Variants in GALNT13 observed in about 807,000 individuals in gnomAD.
The protein encoded by GALNT13 is UDP-GalNAc:polypeptide N-acetylgalactosaminyltransferase 13.
Under a neutral mutation model 64.2 loss-of-function variants are expected in GALNT13, and 28 were observed. That is an observed-to-expected ratio of 0.44 (90% CI 0.32 to 0.60). The LOEUF (loss-of-function observed/expected upper bound fraction) is 0.60. Ranked by LOEUF, GALNT13 falls within the 20% of genes least tolerant of loss-of-function variation. The pLI is 0.05. For missense variants in GALNT13, 577 were observed against 669.8 expected, an observed-to-expected ratio of 0.86 and a Z score of 1.53; for synonymous variants, 214 against 224.6, an observed-to-expected ratio of 0.95 and a Z score of 0.42.
intron 3 of GALNT13, among the ~76,000 whole-genome samples, chr2:154,082,505 A>G (rs978841596): frequency 6.6e-6 from 1 of 151,688 alleles, no homozygotes; most frequent in Non-Finnish European, 1.5e-5. Flanking sequence ...GTGCAACTCT[A>G]TTGTGATGAA....
At chr2:153,721,911 C>T in the GALNT13 span, among the ~76,000 whole-genome samples, 6 of 150,276 alleles carry the variant, frequency 4.0e-5, 1 homozygote, top group Admixed American at 6.6e-5. Context: ...GACAGAAAGT[C>T]AACAAGGATA....
chr2:153,171,068 A>T, the GALNT13 span, among the ~76,000 whole-genome samples: 1 of 152,230 alleles, frequency 6.6e-6, no homozygotes, highest in Non-Finnish European at 1.5e-5. Context: ...CTCTGATTCA[A>T]TTCGGTTACC....
chr2:154,414,886 A>T (rs1699942210), intron 11 of GALNT13, among the ~76,000 whole-genome samples: 1 of 151,962 alleles, frequency 6.6e-6, no homozygotes, highest in Non-Finnish European at 1.5e-5. Flanking sequence ...TCATTTTTAA[A>T]GTGCTTTGAA....
At chr2:154,190,138 G>A (rs181183606) in intron 4 of GALNT13, among the ~76,000 whole-genome samples, 7 of 152,248 alleles carry the variant, frequency 4.6e-5, no homozygotes, top group Admixed American at 3.9e-4. Context: ...GATGTGAGAG[G>A]ACTGTAACTC....
chr2:153,307,832 G>A, the GALNT13 span, among the ~76,000 whole-genome samples: 1 of 151,988 alleles, frequency 6.6e-6, no homozygotes, highest in Admixed American at 6.6e-5. Context: ...CTATATAAAA[G>A]ATCAGGGACC....
chr2:153,118,146 C>CACACACA, the GALNT13 span, among the ~76,000 whole-genome samples: 9 of 144,508 alleles, frequency 6.2e-5, no homozygotes, highest in East Asian at 4.3e-4. Context: ...CACACACACA[C>CACACACA]CCCACATAAA....
At chr2:153,730,292 T>G in the GALNT13 span, among the ~76,000 whole-genome samples, 1 of 151,942 alleles carries the variant, frequency 6.6e-6, no homozygotes, top group Non-Finnish European at 1.5e-5. Context: ...GCCACACATC[T>G]ACAACCAACT....
the GALNT13 span, chr2:153,159,080 T>A: frequency 5.9e-6 from 1 of 168,588 alleles, no homozygotes; most frequent in Non-Finnish European, 1.3e-5. Flanking sequence ...CACCTCTTCC[T>A]GAATATGGAG....
chr2:153,691,111 A>T, the GALNT13 span, among the ~76,000 whole-genome samples: 2 of 152,116 alleles, frequency 1.3e-5, no homozygotes, highest in African/African-American at 2.4e-5. Flanking sequence ...GTCTTGTAGT[A>T]TTGCTTGTGG....
chr2:154,189,216 A>G (rs898081650), intron 4 of GALNT13, among the ~76,000 whole-genome samples: 2 of 152,138 alleles, frequency 1.3e-5, no homozygotes, highest in Admixed American at 6.6e-5. Context: ...ACTAGTGTAT[A>G]GAGATGGAAT....
At chr2:153,613,327 A>T in the GALNT13 span, among the ~76,000 whole-genome samples, 1 of 152,142 alleles carries the variant, frequency 6.6e-6, no homozygotes, top group Non-Finnish European at 1.5e-5. Flanking sequence ...GATTTTATAG[A>T]CACTTTTGCT....
the GALNT13 span, among the ~76,000 whole-genome samples, chr2:153,472,900 T>C: frequency 6.6e-6 from 1 of 152,124 alleles, no homozygotes; most frequent in African/African-American, 2.4e-5. Flanking sequence ...TGGATGAAGC[T>C]GGAAACCATC....
the GALNT13 span, among the ~76,000 whole-genome samples, chr2:153,645,462 T>C: frequency 4.1e-3 from 629 of 152,272 alleles, 6 homozygotes; most frequent in African/African-American, 0.014. Flanking sequence ...TCTGACAAAA[T>C]TCTGAGATAA....
the GALNT13 span, among the ~76,000 whole-genome samples, chr2:153,619,388 C>T: frequency 6.6e-6 from 1 of 151,988 alleles, no homozygotes; most frequent in African/African-American, 2.4e-5. Flanking sequence ...GTTATTGTAG[C>T]TATTATTTTG....
At chr2:153,852,820 A>G in the GALNT13 span, among the ~76,000 whole-genome samples, 2 of 152,188 alleles carry the variant, frequency 1.3e-5, no homozygotes, top group Non-Finnish European at 2.9e-5. Context: ...ATGAAAGTAT[A>G]TATCCACACA....
the GALNT13 span, among the ~76,000 whole-genome samples, chr2:153,582,726 T>A: frequency 6.6e-6 from 1 of 152,126 alleles, no homozygotes; most frequent in Non-Finnish European, 1.5e-5. Flanking sequence ...ATTCAAAGAG[T>A]CGGATCTGTT....
the GALNT13 span, among the ~76,000 whole-genome samples, chr2:153,227,424 A>G: frequency 2.0e-5 from 3 of 152,064 alleles, no homozygotes; most frequent in South Asian, 4.1e-4. Context: ...GGAGATGAAG[A>G]CCATTAGAGG....
the GALNT13 span, among the ~76,000 whole-genome samples, chr2:153,270,555 T>A: frequency 6.6e-6 from 1 of 152,194 alleles, no homozygotes; most frequent in Non-Finnish European, 1.5e-5. Context: ...AAATGCAGTT[T>A]AAGCTGTAAA....
chr2:154,173,932 C>T lies in GALNT13; in HGVS notation c.311+33427C>T, dbSNP rs186590687. Among the ~76,000 whole-genome samples, 49 of 152,176 alleles carry T rather than the reference C, an allele frequency of 3.2e-4. 1 individual carries two copies. Among genetic ancestry groups the T allele is most frequent in the Admixed American group, 3.1e-3 (47 of 15,278 alleles). On this transcript the variant is annotated intron_variant, in intron 4 of 12. Coordinates refer to ENST00000392825, the MANE Select transcript of GALNT13 (RefSeq NM_052917.4). ...GTGGAGAAAGGGGAATGCCCACACA[C>T]TGTTGGTGAGAATGTAAATTAGTAC...
Sources: allele counts gnomAD v4.1 joint callset (sites outside exome capture counted in the v4.1 genomes callset), GRCh38; gene constraint gnomAD v4.1.1; transcripts MANE v1.5; gene names NCBI Gene and HGNC (gene_info 2026-07-23, HGNC 2026-07-21).